NTRK2: variants seen among roughly 807,000 people sequenced by gnomAD.
NTRK2 encodes the protein BDNF/NT-3 growth factors receptor.
A neutral mutation model predicts 94.5 loss-of-function variants in NTRK2; 13 were observed. That is an observed-to-expected ratio of 0.14 (90% CI 0.09 to 0.22). The LOEUF is 0.22. NTRK2 is among the 10% of genes least tolerant of loss of function. The pLI is 1.00. For missense variants in NTRK2, 639 were observed against 1,071.2 expected (o/e 0.60, Z 5.63); for synonymous variants, 372 against 407.4 (o/e 0.91, Z 1.05).
intron 17 of NTRK2, among the ~76,000 whole-genome samples, chr9:84,975,360 G>C (rs1826704770): frequency 6.6e-6 from 1 of 152,320 alleles, no homozygotes; most frequent in Non-Finnish European, 1.5e-5. Flanking sequence ...ATGGAACCAA[G>C]ATGGAGGAAA....
intron 17 of NTRK2, among the ~76,000 whole-genome samples, chr9:84,992,982 T>A (rs1829286805): frequency 6.6e-6 from 1 of 151,822 alleles, no homozygotes; most frequent in South Asian, 2.1e-4. Context: ...GTGAAACCTC[T>A]CTGGAAATCA....
At chr9:84,937,747 C>T (rs1173462746) in intron 15 of NTRK2, among the ~76,000 whole-genome samples, 3 of 152,088 alleles carry the variant, frequency 2.0e-5, no homozygotes, top group African/African-American at 7.2e-5. Context: ...GTTACTTTAC[C>T]TTTAAGTAAG....
rs79993110 is a variant in NTRK2, at chr9:84,807,488, G to A, written c.1397-53552G>A. ...AGCTCAGCTAGTGCGTGCAATGGTG[G>A]CAAAGTTTCTCTAAAGTTGTTTTTG... is the stretch of plus-strand genomic sequence containing the variant. On this transcript the variant is annotated intron_variant, in intron 12 of 18. Transcript: ENST00000277120. Among the ~76,000 whole-genome samples the A allele has an allele frequency of 9.1e-4, 138 of 152,298 alleles. 1 individual carries two copies. The highest frequency in any genetic ancestry group is 3.2e-3 in the African/African-American group (133 of 41,564).
chr9:84,707,844 C>T lies in NTRK2; in HGVS notation c.360C>T (p.Ile120=), dbSNP rs746147656. 5.0e-6 allele frequency: 8 copies of T among 1,610,974 alleles called. No individual in the cohort carries two copies. The highest frequency in any genetic ancestry group is 6.8e-6 in the Non-Finnish European group (8 of 1,177,700). ...AFLKNSNLQH[I]NFTRNKLTSL... The stretch of plus-strand genomic sequence containing the variant: ...GTTTAATGTTTTTGATTCCTTTCAG[C>T]AATTTTACCCGAAACAAACTGACGA... The change falls in exon 5 of 19, where the codon ATC becomes ATT. Residue 120 remains isoleucine, a splice_region_variant and synonymous_variant. Transcript: ENST00000277120.
rs1047527379 is a variant in NTRK2 at position 84,926,483 on chromosome 9, C to T, written c.1634-7679C>T. ...CTGACCTCAGGTGATCTGCCCTCCTCGGCCTCCCAAAGTGCTGGGATTACA... is the reference window on the plus strand; with the variant it reads ...CTGACCTCAGGTGATCTGCCCTCCTTGGCCTCCCAAAGTGCTGGGATTACA... On this transcript the variant is annotated intron_variant, in intron 14 of 18. Transcript: ENST00000277120. 1.4e-4 allele frequency among the ~76,000 whole-genome samples: 22 copies of T among 152,018 alleles called. 1 individual carries two copies. Among genetic ancestry groups the T allele is most frequent in the South Asian group, 6.2e-4 (3 of 4,814 alleles).
At chr9:84,754,716 G>T (rs2064930318) in intron 12 of NTRK2, among the ~76,000 whole-genome samples, 1 of 152,148 alleles carries the variant, frequency 6.6e-6, no homozygotes, top group Non-Finnish European at 1.5e-5. Context: ...TGGCTGCTGT[G>T]CAGATGAGCT....
At chr9:84,824,759 G>A (rs1193847070) in intron 12 of NTRK2, among the ~76,000 whole-genome samples, 1 of 152,172 alleles carries the variant, frequency 6.6e-6, no homozygotes, top group East Asian at 1.9e-4. Context: ...ACCTTTTGGG[G>A]AAATAGGCCA....
intron 17 of NTRK2, among the ~76,000 whole-genome samples, chr9:85,016,439 A>G (rs928168951): frequency 1.3e-5 from 2 of 152,208 alleles, no homozygotes; most frequent in Non-Finnish European, 2.9e-5. Context: ...GCCCCACAGC[A>G]TATCAGGCTG....
intron 9 of NTRK2, among the ~76,000 whole-genome samples, chr9:84,739,194 G>C (rs992865944): frequency 6.6e-6 from 1 of 152,010 alleles, no homozygotes; most frequent in Admixed American, 6.6e-5. Context: ...GGGACTACAG[G>C]CATGCACCAC....
intron 12 of NTRK2, among the ~76,000 whole-genome samples, chr9:84,819,959 T>C (rs888587757): frequency 4.6e-5 from 7 of 152,120 alleles, no homozygotes; most frequent in Non-Finnish European, 1.0e-4. Context: ...CTGAGACATA[T>C]GTTATATTCT....
intron 14 of NTRK2, among the ~76,000 whole-genome samples, chr9:84,896,173 G>A (rs185170581): frequency 3.3e-5 from 5 of 152,294 alleles, no homozygotes; most frequent in Admixed American, 2.6e-4. Flanking sequence ...AAATTATATG[G>A]CTACTCTAAA....
At chr9:84,944,719 G>T (rs972602403) in intron 15 of NTRK2, among the ~76,000 whole-genome samples, 7 of 152,242 alleles carry the variant, frequency 4.6e-5, no homozygotes, top group Non-Finnish European at 7.3e-5. Context: ...AGCTCCAGCA[G>T]CACCTCTGCT....
At chr9:84,769,260 T>C (rs1001209289) in intron 12 of NTRK2, among the ~76,000 whole-genome samples, 4 of 152,192 alleles carry the variant, frequency 2.6e-5, no homozygotes, top group African/African-American at 9.7e-5. Flanking sequence ...ATTAATTGCA[T>C]GTGTTACTTA....
chr9:84,712,104 A>T (rs1324686213), intron 6 of NTRK2, among the ~76,000 whole-genome samples: 5 of 152,112 alleles, frequency 3.3e-5, no homozygotes, highest in African/African-American at 1.2e-4. Context: ...TCCCCATGGC[A>T]GTTGTGGCCA....
chr9:84,842,043 T>A (rs1442881353), intron 12 of NTRK2, among the ~76,000 whole-genome samples: 1 of 152,192 alleles, frequency 6.6e-6, no homozygotes, highest in Non-Finnish European at 1.5e-5. Flanking sequence ...AGTGGAACTA[T>A]TCACCCTTTC....
At chr9:84,696,234 C>T (rs1419924629) in intron 2 of NTRK2, among the ~76,000 whole-genome samples, 1 of 152,156 alleles carries the variant, frequency 6.6e-6, no homozygotes, top group Non-Finnish European at 1.5e-5. Flanking sequence ...TCTCGAACTC[C>T]TGGACTCAAG....
At chr9:84,733,587 A>G (rs1367993492) in intron 9 of NTRK2, among the ~76,000 whole-genome samples, 1 of 152,186 alleles carries the variant, frequency 6.6e-6, no homozygotes, top group Non-Finnish European at 1.5e-5. Flanking sequence ...TCTTGCCCAT[A>G]TAACAAAAGA....
chr9:84,815,124 C>A (rs2072253731), intron 12 of NTRK2: 1 of 1,057,256 alleles, frequency 9.5e-7, no homozygotes, highest in Non-Finnish European at 1.1e-6. Flanking sequence ...AAAGTCAGTC[C>A]ATTTTCAAGT....
At chr9:84,862,578 G>A (rs181052053) in intron 13 of NTRK2, among the ~76,000 whole-genome samples, 2 of 152,332 alleles carry the variant, frequency 1.3e-5, no homozygotes, top group Admixed American at 1.3e-4. Context: ...TCCAGCAGAG[G>A]TGCTGCTCTT....
Sources: gnomAD v4.1 joint callset for allele counts (sites outside exome capture counted in the v4.1 genomes callset) on GRCh38, gnomAD v4.1.1 for gene constraint, MANE v1.5 for transcripts, NCBI Gene and HGNC (gene_info 2026-07-23, HGNC 2026-07-21) for gene names.